Variants in TMEM63C observed in about 807,000 individuals in gnomAD.
TMEM63C encodes osmosensitive cation channel TMEM63C.
Under a neutral mutation model 99.2 loss-of-function variants are expected in TMEM63C, and 32 were observed. That is an observed-to-expected ratio of 0.32 (90% confidence interval 0.24 to 0.43). The LOEUF is 0.43. Among genes scored for constraint, TMEM63C ranks in the 20% least tolerant of loss-of-function variants. TMEM63C has a pLI of 1.00. For missense variants in TMEM63C, 826 were observed against 1,053.0 expected, an observed-to-expected ratio of 0.78 and a Z score of 2.98; for synonymous variants, 376 against 397.9, an observed-to-expected ratio of 0.94 and a Z score of 0.66.
At chr14:77,186,657 C>G (rs1027952247) in intron 1 of TMEM63C, among the ~76,000 whole-genome samples, 1 of 152,168 alleles carries the variant, frequency 6.6e-6, no homozygotes, top group African/African-American at 2.4e-5. Flanking sequence ...CACCACTGCA[C>G]TCCAGCCCAG....
At chr14:77,252,833 G>A (rs567741269) in intron 22 of TMEM63C, among the ~76,000 whole-genome samples, 1 of 152,308 alleles carries the variant, frequency 6.6e-6, no homozygotes, top group East Asian at 1.9e-4. Context: ...CCACACTAGT[G>A]AAGGGTCTCG....
chr14:77,230,282 G>A (rs1222779812), intron 6 of TMEM63C, among the ~76,000 whole-genome samples: 3 of 151,302 alleles, frequency 2.0e-5, no homozygotes, highest in African/African-American at 4.9e-5. Flanking sequence ...CTAGAACATC[G>A]CCAATACCCA....
intron 1 of TMEM63C, among the ~76,000 whole-genome samples, chr14:77,194,891 T>G (rs1204363148): frequency 6.6e-6 from 1 of 151,998 alleles, no homozygotes; most frequent in Admixed American, 6.6e-5. Flanking sequence ...GTGGATTTCG[T>G]TTTCATTGTG....
intron 2 of TMEM63C, among the ~76,000 whole-genome samples, chr14:77,215,795 G>A (rs769366413): frequency 1.5e-4 from 23 of 152,066 alleles, no homozygotes; most frequent in Non-Finnish European, 3.1e-4. Context: ...CAAGCCTCCC[G>A]CAGTCTCACT....
At chr14:77,196,117 C>T (rs1508298) in intron 1 of TMEM63C, 30,267 of 152,748 alleles carry the variant, frequency 0.2, 3,235 homozygotes, top group African/African-American at 0.27. Context: ...GCGGGGACAC[C>T]GCTGGGCCAC....
intron 1 of TMEM63C, among the ~76,000 whole-genome samples, chr14:77,187,560 T>TAGCCAGG (rs1888024115): frequency 6.6e-6 from 1 of 152,212 alleles, no homozygotes. Context: ...ACATGCAGCT[T>TAGCCAGG]GTGCTGCACG....
At chr14:77,238,650 T>C (rs777989963) in intron 9 of TMEM63C, 44 bp from the exon 10 acceptor site, 20 of 1,522,180 alleles carry the variant, frequency 1.3e-5, no homozygotes, top group African/African-American at 6.8e-5. Context: ...GGAATTCCTA[T>C]GCAAGCACAG....
chr14:77,248,978 G>A, intron 20 of TMEM63C, 106 bp downstream of exon 20: 1 of 1,143,182 alleles, frequency 8.7e-7, no homozygotes, highest in Non-Finnish European at 1.3e-6. Flanking sequence ...GGAGACCTGT[G>A]GTAGGGAGGG....
chr14:77,246,540 G>A, intron 17 of TMEM63C, 69 bp from the exon 18 acceptor site: 2 of 1,361,178 alleles, frequency 1.5e-6, no homozygotes, highest in Non-Finnish European at 2.1e-6. Context: ...GGCAAGGGAG[G>A]ATGGTTGAAC....
intron 21 of TMEM63C, 55 bp from the exon 22 acceptor site, chr14:77,251,734 G>A (rs986310327): frequency 4.6e-5 from 66 of 1,428,438 alleles, no homozygotes; most frequent in Non-Finnish European, 6.0e-5. Context: ...CTGCCAGTTG[G>A]GGTGGCATCT....
chr14:77,185,371 A>G (rs905734), intron 1 of TMEM63C, among the ~76,000 whole-genome samples: 18,813 of 152,198 alleles, frequency 0.12, 1,493 homozygotes, highest in African/African-American at 0.22. Context: ...TCCCCTCCCC[A>G]TTACTGAGTG....
chr14:77,203,409 G>T, intron 1 of TMEM63C, among the ~76,000 whole-genome samples: 1 of 147,076 alleles, frequency 6.8e-6, no homozygotes, highest in Non-Finnish European at 1.5e-5. Context: ...AAACAATAAA[G>T]AGAACAGAGT....
At chr14:77,183,471 CA>C (rs1332948521) in intron 1 of TMEM63C, among the ~76,000 whole-genome samples, 1 of 152,202 alleles carries the variant, frequency 6.6e-6, no homozygotes, top group Non-Finnish European at 1.5e-5. Flanking sequence ...CATGCCCCCA[CA>C]GGGATACACA....
Position 77,202,849 on chromosome 14 carries a change from ACACACACACACACACACG to A in TMEM63C, c.-76-10587_-76-10570del, listed in dbSNP as rs1339921590. ...CGCACACACACACACACACACACAC[ACACACACACACACACACG>A]CACACACACCCCTCTACCTGGCACA... On this transcript the variant is annotated intron_variant, in intron 1 of 23. Transcript: ENST00000298351. Among the ~76,000 whole-genome samples the A allele has an allele frequency of 9.8e-4, 136 of 138,850 alleles. 2 individuals are homozygous for A. The highest frequency in any genetic ancestry group is 3.8e-3 in the Middle Eastern group (1 of 260). The allele number at this position is 138,850 out of a possible 152,430, so 91.1% of individuals were successfully genotyped here. A position where few individuals can be genotyped will look rare whatever the true frequency, so the allele number is the denominator to read the frequency against.
intron 1 of TMEM63C, among the ~76,000 whole-genome samples, chr14:77,206,637 C>T (rs1888408022): frequency 6.6e-6 from 1 of 151,986 alleles, no homozygotes; most frequent in African/African-American, 2.4e-5. Context: ...AGTCCCTCCA[C>T]CCTCTCCTCC....
At chr14:77,225,047 G>A (rs910899989) in intron 5 of TMEM63C, among the ~76,000 whole-genome samples, 2 of 152,134 alleles carry the variant, frequency 1.3e-5, no homozygotes, top group East Asian at 1.9e-4. Flanking sequence ...ACTCCCACTC[G>A]GACAGAGTAA....
chr14:77,218,128 A>G (rs752571414), intron 2 of TMEM63C, among the ~76,000 whole-genome samples: 16 of 152,014 alleles, frequency 1.1e-4, no homozygotes, highest in Non-Finnish European at 2.1e-4. Context: ...GAAAGGATGG[A>G]TACCTCATTT....
rs1234462831 is a variant in TMEM63C, at chr14:77,251,594, C to T, written c.2039-195C>T. The stretch of plus-strand genomic sequence containing the variant: ...CAATTAAAACATTTTTTCATGGACT[C>T]CACAGATGCCAAATTCTAACAGAGC... On this transcript the variant is annotated intron_variant, in intron 21 of 23. Coordinates refer to ENST00000298351, the MANE Select transcript of TMEM63C (RefSeq NM_020431.4). 4 of 592,908 alleles carry T rather than the reference C, an allele frequency of 6.7e-6. No individual in the cohort carries two copies. The South Asian group carries it at 8.0e-5, about 12-fold the overall frequency. The allele number at this position is 592,908 out of a possible 1,614,324, so 36.7% of individuals were successfully genotyped here.
chr14:77,231,467 T>TA (rs11295791), intron 6 of TMEM63C, 121 bp from the exon 7 acceptor site: 67,623 of 944,388 alleles, frequency 0.072, 1 homozygote, highest in Non-Finnish European at 0.08. Context: ...ATAGAGATAG[T>TA]AAAAAAAAAA....
Sources: gnomAD v4.1 joint callset for allele counts (sites outside exome capture counted in the v4.1 genomes callset) on GRCh38, gnomAD v4.1.1 for gene constraint, MANE v1.5 for transcripts, NCBI Gene and HGNC (gene_info 2026-07-23, HGNC 2026-07-21) for gene names.